Variants in KAZN observed in about 807,000 individuals in gnomAD.
KAZN encodes kazrin, periplakin interacting protein, also known as kazrin.
KAZN carries 40 observed loss-of-function variants against 87.4 expected under a neutral mutation model. That is an observed-to-expected ratio of 0.46 (90% CI 0.36 to 0.60). The LOEUF (loss-of-function observed/expected upper bound fraction) is 0.60, where lower values mean the gene tolerates loss of function less well. Among genes scored for constraint, KAZN ranks in the 20% least tolerant of loss-of-function variants. KAZN has a pLI of 0.00. For synonymous variants in KAZN, 466 were observed against 458.3 expected (o/e 1.02, Z -0.22); for missense variants, 898 against 1,073.9 (o/e 0.84, Z 2.29).
chr1:14,492,667 T>TATACCACACACACCACATA (rs1669717981), intron 2 of KAZN, among the ~76,000 whole-genome samples: 1 of 614 alleles, frequency 1.6e-3, no homozygotes, highest in Non-Finnish European at 3.1e-3. Flanking sequence ...ACACCACAAA[T>TATACCACACACACCACATA]ACACACTACA....
intron 1 of KAZN, among the ~76,000 whole-genome samples, chr1:13,981,950 C>CGGGG (rs1557761538): frequency 6.6e-6 from 1 of 152,184 alleles, no homozygotes; most frequent in East Asian, 1.9e-4. Flanking sequence ...CTGACCTGGT[C>CGGGG]AGGGAAAGCC....
intron 1 of KAZN, among the ~76,000 whole-genome samples, chr1:14,841,398 T>G (rs1647977293): frequency 9.6e-6 from 1 of 103,938 alleles, no homozygotes; most frequent in South Asian, 3.2e-4. Flanking sequence ...AGAGCAAGAC[T>G]CCGTCTCAAA....
At chr1:14,474,514 A>G (rs1382081824) in intron 2 of KAZN, among the ~76,000 whole-genome samples, 2 of 152,246 alleles carry the variant, frequency 1.3e-5, no homozygotes, top group African/African-American at 4.8e-5. Flanking sequence ...TTATTTGAGG[A>G]ATAAACGAAC....
intron 8 of KAZN, among the ~76,000 whole-genome samples, chr1:15,086,447 T>A (rs1640262137): frequency 6.6e-6 from 1 of 152,108 alleles, no homozygotes; most frequent in Non-Finnish European, 1.5e-5. Flanking sequence ...AGCACAAGGG[T>A]AAAACAGACT....
At chr1:14,651,536 G>A (rs906868346) in intron 1 of KAZN, among the ~76,000 whole-genome samples, 12 of 152,170 alleles carry the variant, frequency 7.9e-5, no homozygotes, top group Non-Finnish European at 1.3e-4. Context: ...TCAGAGTTTA[G>A]CCCCATAGTG....
intron 2 of KAZN, among the ~76,000 whole-genome samples, chr1:14,182,685 A>G (rs1230245311): frequency 6.6e-6 from 1 of 152,158 alleles, no homozygotes; most frequent in East Asian, 1.9e-4. Flanking sequence ...ACGTAAAAAT[A>G]TGTCATTTTT....
At chr1:14,470,906 C>T (rs1472451947) in intron 2 of KAZN, among the ~76,000 whole-genome samples, 1 of 152,182 alleles carries the variant, frequency 6.6e-6, no homozygotes, top group Admixed American at 6.5e-5. Flanking sequence ...TCTCTTGGAT[C>T]ATTTGCTCTG....
In KAZN at chr1:15,099,785, A is replaced by T. The variant is rs7522320; in HGVS notation, c.1548-1758A>T. Among the ~76,000 whole-genome samples the T allele has an allele frequency of 6.6e-6, 1 of 152,096 alleles. No homozygotes were observed. The highest frequency in any genetic ancestry group is 2.4e-5 in the African/African-American group (1 of 41,364). On this transcript the variant is annotated intron_variant, in intron 10 of 14. Transcript: ENST00000376030. The surrounding 1 kb of genome is among the most constrained non-coding windows in gnomAD (Gnocchi z 5.4). ...TCCTGGGGGATGCGGAATAGAAGGG[A>T]AGCAAAGGCAGGAAACGGGGAGCAG...
chr1:14,069,048 G>A (rs1643134115), intron 1 of KAZN, among the ~76,000 whole-genome samples: 1 of 152,136 alleles, frequency 6.6e-6, no homozygotes, highest in Non-Finnish European at 1.5e-5. Flanking sequence ...GTGCCTGCCT[G>A]GGCCTCGCAA....
intron 1 of KAZN, among the ~76,000 whole-genome samples, chr1:14,795,601 C>T (rs972793821): frequency 6.6e-6 from 1 of 152,162 alleles, no homozygotes; most frequent in Admixed American, 6.5e-5. Context: ...CCATCAGAAC[C>T]TGCAAAAGTA....
chr1:14,330,371 A>G (rs2100868265), intron 2 of KAZN, among the ~76,000 whole-genome samples: 1 of 152,298 alleles, frequency 6.6e-6, no homozygotes, highest in East Asian at 1.9e-4. Context: ...TGATCAGAAA[A>G]GTGAGGCTCC....
chr1:13,973,963 G>A (rs1261038239), intron 1 of KAZN, among the ~76,000 whole-genome samples: 1 of 152,212 alleles, frequency 6.6e-6, no homozygotes, highest in Non-Finnish European at 1.5e-5. Context: ...CATACTCACA[G>A]CTAGGACTAG....
At chr1:15,075,825 G>A (rs1639714239) in intron 8 of KAZN, among the ~76,000 whole-genome samples, 1 of 152,222 alleles carries the variant, frequency 6.6e-6, no homozygotes, top group Non-Finnish European at 1.5e-5. Context: ...CTAGGTCCTA[G>A]ATATAGACAG....
chr1:14,086,117 GT>G (rs1643845956), intron 1 of KAZN, among the ~76,000 whole-genome samples: 1 of 152,158 alleles, frequency 6.6e-6, no homozygotes, highest in Non-Finnish European at 1.5e-5. Flanking sequence ...ATACAATTGA[GT>G]TTTAGGAGTT....
chr1:13,970,297 C>T (rs1489462613), intron 1 of KAZN, among the ~76,000 whole-genome samples: 3 of 152,210 alleles, frequency 2.0e-5, no homozygotes, highest in African/African-American at 7.2e-5. Flanking sequence ...CTGATAATAG[C>T]TCACATTTAT....
intron 1 of KAZN, among the ~76,000 whole-genome samples, chr1:14,123,762 C>A (rs1321577352): frequency 6.6e-6 from 1 of 152,136 alleles, no homozygotes; most frequent in Non-Finnish European, 1.5e-5. Flanking sequence ...GAGGTGCCCT[C>A]CCTTACTGAA....
intron 1 of KAZN, among the ~76,000 whole-genome samples, chr1:14,712,272 A>G (rs1642528747): frequency 1.3e-5 from 2 of 152,178 alleles, no homozygotes; most frequent in Admixed American, 1.3e-4. Context: ...GGAGGCTGTG[A>G]GATTCATCTG....
intron 1 of KAZN, among the ~76,000 whole-genome samples, chr1:13,898,832 C>G (rs1287081934): frequency 6.6e-6 from 1 of 152,208 alleles, no homozygotes; most frequent in Admixed American, 6.5e-5. Context: ...GAACCCCTTT[C>G]CCTGCCTTTT....
At chr1:14,244,379 G>A (rs1295266188) in intron 2 of KAZN, among the ~76,000 whole-genome samples, 1 of 152,130 alleles carries the variant, frequency 6.6e-6, no homozygotes, top group African/African-American at 2.4e-5. Context: ...CCACTATTAT[G>A]TTCACTTAAT....
Sources: allele counts gnomAD v4.1 joint callset (sites outside exome capture counted in the v4.1 genomes callset), GRCh38; gene constraint gnomAD v4.1.1; non-coding constraint Gnocchi (gnomAD v3.1); transcripts MANE v1.5; gene names NCBI Gene and HGNC (gene_info 2026-07-23, HGNC 2026-07-21).